The following XKR6 variants were observed in gnomAD, a reference collection of about 807,000 sequenced individuals.
The protein encoded by XKR6 is XK related 6.
XKR6 carries 22 observed loss-of-function variants against 56.7 expected under a neutral mutation model. The observed-to-expected ratio is 0.39, with a 90% confidence interval of 0.28 to 0.55. XKR6 has a LOEUF of 0.55. Ranked by LOEUF, XKR6 falls within the 20% of genes least tolerant of loss-of-function variation. The probability of loss-of-function intolerance (pLI) is 0.66; values close to 1 mark genes in which losing one functional copy is unlikely to be tolerated. For missense variants in XKR6, 852 were observed against 889.0 expected, an observed-to-expected ratio of 0.96 and a Z score of 0.53; for synonymous variants, 524 against 387.8, an observed-to-expected ratio of 1.35 and a Z score of -4.13.
At chr8:11,143,305 TC>T (rs1800798251) in intron 1 of XKR6, among the ~76,000 whole-genome samples, 1 of 152,164 alleles carries the variant, frequency 6.6e-6, no homozygotes, top group Admixed American at 6.5e-5. Context: ...GCCTCTGAAG[TC>T]CAGCCTGGGT....
chr8:10,948,298 C>T (rs1430196384), intron 1 of XKR6, among the ~76,000 whole-genome samples: 1 of 152,182 alleles, frequency 6.6e-6, no homozygotes, highest in East Asian at 1.9e-4. Context: ...TCTCCCTCAG[C>T]GTCCTGCTGT....
intron 1 of XKR6, among the ~76,000 whole-genome samples, chr8:11,163,537 G>A (rs1239777421): frequency 1.3e-5 from 2 of 152,146 alleles, no homozygotes; most frequent in Admixed American, 1.3e-4. Context: ...AGGTAACTAC[G>A]ACAAAATGAA....
chr8:10,960,891 A>G (rs1472440497), intron 1 of XKR6, among the ~76,000 whole-genome samples: 1 of 152,202 alleles, frequency 6.6e-6, no homozygotes. Context: ...GTTAAAAGTC[A>G]ACAGCACACA....
At chr8:11,093,287 T>A (rs1276056945) in intron 1 of XKR6, among the ~76,000 whole-genome samples, 1 of 152,196 alleles carries the variant, frequency 6.6e-6, no homozygotes, top group Non-Finnish European at 1.5e-5. Context: ...ACTCCTGACC[T>A]CGGGTGATCC....
intron 1 of XKR6, chr8:11,002,486 G>A (rs892849754): frequency 4.1e-5 from 16 of 393,784 alleles, no homozygotes; most frequent in African/African-American, 3.2e-4. Flanking sequence ...AAAGACTCAA[G>A]AATCAAAGCC....
chr8:11,011,265 G>A (rs1461168400), intron 1 of XKR6, among the ~76,000 whole-genome samples: 1 of 152,204 alleles, frequency 6.6e-6, no homozygotes, highest in Non-Finnish European at 1.5e-5. Context: ...CCATCACACA[G>A]CACGCAGGAG....
At chr8:11,096,862 T>C (rs1214361799) in intron 1 of XKR6, among the ~76,000 whole-genome samples, 3 of 152,248 alleles carry the variant, frequency 2.0e-5, no homozygotes, top group African/African-American at 7.2e-5. Context: ...AAGACCTCAC[T>C]GAATGTCACC....
In XKR6 at chr8:11,200,806, G is replaced by A; in HGVS notation, c.534C>T (p.Ser178=). 1.2e-6 allele frequency: 2 copies of A among 1,611,622 alleles called. No homozygotes were observed. Among genetic ancestry groups the A allele is most frequent in the South Asian group, 1.1e-5 (1 of 90,960 alleles). Residue 178 remains serine (S), a synonymous_variant, in exon 1 of 3, where the codon AGC becomes AGT. Coordinates refer to ENST00000416569, the MANE Select transcript of XKR6 (RefSeq NM_173683.4). The surrounding 1 kb of genome is among the most constrained non-coding windows in gnomAD (Gnocchi z 6.4). ...CCTGCACGAACCAGCGGAAGCTCAG[G>A]CTCTGCACCAGCAGCGACGGCACCA... ...FVLVPSLLVQ[S]LSFRWFVQDY... is the part of the protein sequence containing the mutation.
At position 11,138,919 on chromosome 8, in the gene XKR6, GA is replaced by G. The variant is rs201561628; in HGVS notation, c.764+61656del. 8.3e-3 allele frequency among the ~76,000 whole-genome samples: 1,096 copies of G among 131,376 alleles called. 16 individuals are homozygous for G. Among genetic ancestry groups the G allele is most frequent in the African/African-American group, 0.029 (923 of 31,468 alleles). The allele number at this position is 131,376 out of a possible 152,430, so 86.2% of individuals were successfully genotyped here. On this transcript the variant is annotated intron_variant, in intron 1 of 2. Transcript: ENST00000416569. ...AGTTATCTGGGCCATTTCACCGGCA[GA>G]ATAAAAAAAAAAAAAACCTGACCTC...
intron 1 of XKR6, among the ~76,000 whole-genome samples, chr8:10,966,093 A>AACACAGCAACCGTGCCAGGT (rs1802214206): frequency 6.6e-6 from 1 of 151,872 alleles, no homozygotes. Context: ...GGATTGCTAA[A>AACACAGCAACCGTGCCAGGT]ACACAGCAAC....
chr8:11,071,894 T>A (rs978354118), intron 1 of XKR6, among the ~76,000 whole-genome samples: 1 of 152,218 alleles, frequency 6.6e-6, no homozygotes, highest in African/African-American at 2.4e-5. Context: ...TAATACTGTG[T>A]CCTCTGAATA....
intron 1 of XKR6, among the ~76,000 whole-genome samples, chr8:11,049,934 T>C (rs901388985): frequency 5.9e-5 from 9 of 152,082 alleles, no homozygotes; most frequent in South Asian, 4.1e-4. Flanking sequence ...GTGCCTCAAT[T>C]TACCATTGCA....
chr8:11,088,824 G>A (rs754259776), intron 1 of XKR6, among the ~76,000 whole-genome samples: 1 of 152,200 alleles, frequency 6.6e-6, no homozygotes, highest in Non-Finnish European at 1.5e-5. Context: ...AGCCTAGCAA[G>A]ATTAAGTGAA....
rs551049322 is a variant in XKR6, at chr8:10,897,727, A to T, written c.*225T>A. ...TTCTTTTTGTTTTTACTTACAAAAC[A>T]TAGAGAATATCTTTGTATACATACA... On this transcript the variant is annotated 3_prime_UTR_variant, in exon 3 of 3. Transcript: ENST00000416569. 7 of 455,382 alleles carry T rather than the reference A, an allele frequency of 1.5e-5. No individual in the cohort carries two copies. Among genetic ancestry groups the T allele is most frequent in the African/African-American group, 1.0e-4 (5 of 49,846 alleles). 28.2% of individuals were successfully genotyped at this position (455,382 alleles called of 1,614,324 possible).
At chr8:11,171,791 G>A (rs1259017746) in intron 1 of XKR6, among the ~76,000 whole-genome samples, 3 of 151,562 alleles carry the variant, frequency 2.0e-5, no homozygotes, top group Non-Finnish European at 2.9e-5. Flanking sequence ...AGTGACTCAC[G>A]CCTGTAATCC....
chr8:10,963,744 A>G (rs1187578169), intron 1 of XKR6, among the ~76,000 whole-genome samples: 2 of 151,626 alleles, frequency 1.3e-5, no homozygotes, highest in Non-Finnish European at 2.9e-5. Flanking sequence ...GGCTCTTCCT[A>G]TGCTTCTCAG....
intron 1 of XKR6, among the ~76,000 whole-genome samples, chr8:11,154,507 A>G (rs1586624795): frequency 6.6e-6 from 1 of 152,288 alleles, no homozygotes; most frequent in East Asian, 1.9e-4. Context: ...AAACCATAAC[A>G]ATAAGTGTAA....
intron 1 of XKR6, among the ~76,000 whole-genome samples, chr8:11,199,622 C>T (rs1239463655): frequency 6.6e-6 from 1 of 152,162 alleles, no homozygotes; most frequent in Admixed American, 6.5e-5. Flanking sequence ...AGTAAGAGGG[C>T]ACAGATGTAC....
At chr8:11,029,902 C>A (rs1472638452) in intron 1 of XKR6, among the ~76,000 whole-genome samples, 1 of 152,170 alleles carries the variant, frequency 6.6e-6, no homozygotes, top group Non-Finnish European at 1.5e-5. Flanking sequence ...CATTTTCCAT[C>A]CATAACAGAA....
Sources: allele counts gnomAD v4.1 joint callset (sites outside exome capture counted in the v4.1 genomes callset), GRCh38; gene constraint gnomAD v4.1.1; non-coding constraint Gnocchi (gnomAD v3.1); transcripts MANE v1.5; gene names NCBI Gene and HGNC (gene_info 2026-07-23, HGNC 2026-07-21).